The following MFSD8 variants were observed in gnomAD, a reference collection of about 807,000 sequenced individuals.
MFSD8 encodes the protein major facilitator superfamily domain-containing protein 8.
MFSD8 carries 55 observed loss-of-function variants against 66.4 expected under a neutral mutation model. The observed-to-expected ratio is 0.83, with a 90% CI of 0.67 to 1.04. The LOEUF (loss-of-function observed/expected upper bound fraction) is 1.04. Ranked by LOEUF, MFSD8 falls within the 50% of genes least tolerant of loss-of-function variation. MFSD8 has a pLI of 0.00. For missense variants in MFSD8, 550 were observed against 627.6 expected, an observed-to-expected ratio of 0.88 and a Z score of 1.32; for synonymous variants, 202 against 212.8, an observed-to-expected ratio of 0.95 and a Z score of 0.44.
chr4:127,943,956 C>G lies in MFSD8; in HGVS notation c.235G>C (p.Val79Leu), dbSNP rs749244700. The G allele has an allele frequency of 5.0e-6, 8 of 1,614,130 alleles. No individual in the cohort carries two copies. In the Admixed American group the frequency reaches 1.3e-4, roughly 27 times the overall value. Reference sequence around the variant, plus strand: ...TGGCCAAGACTATATGAAGCAATAACCCAGCCCAAAAAACTTGTATCAGCT... The same window carrying G: ...TGGCCAAGACTATATGAAGCAATAAGCCAGCCCAAAAAACTTGTATCAGCT... ...PTADTSFLGWVIASYSLGQMV... is the reference protein window; with the variant it reads ...PTADTSFLGWLIASYSLGQMV... Residue 79 changes from valine (V) to leucine (L), a missense_variant, in exon 4 of 12, where the codon GTT becomes CTT. Transcript: ENST00000641686.
At position 127,918,484 on chromosome 4, in the gene MFSD8, T is replaced by C. The variant is rs750676275; in HGVS notation, c.*2146A>G. On this transcript the variant is annotated 3_prime_UTR_variant, in exon 12 of 12. Transcript: ENST00000641686. ...AACCTTTGAAAGCTGGGAAACTTTT[T>C]TCTGTTATATTCTTGCTGGAAACAG... 2 of 152,220 alleles carry C rather than the reference T, an allele frequency of 1.3e-5. No individual in the cohort carries two copies. The highest frequency in any genetic ancestry group is 2.9e-5 in the Non-Finnish European group (2 of 68,030). The allele number at this position is 152,220 out of a possible 1,614,324, so 9.4% of individuals were successfully genotyped here. A position where few individuals can be genotyped will look rare whatever the true frequency, so the allele number is the denominator to read the frequency against.
rs1578789434 is a variant in MFSD8 at position 127,920,628 on chromosome 4, G to T, written c.*2C>A. ...GTAGTTTCCATCACAGTCTTAGCTAGTTTATTCCTGAATCCTCCCATATCT... is the reference window on the plus strand; with the variant it reads ...GTAGTTTCCATCACAGTCTTAGCTATTTTATTCCTGAATCCTCCCATATCT... On this transcript the variant is annotated 3_prime_UTR_variant, in exon 12 of 12. Transcript: ENST00000641686. The T allele has an allele frequency of 1.9e-6, 3 of 1,613,826 alleles. No individual in the cohort carries two copies. Among genetic ancestry groups the T allele is most frequent in the East Asian group, 2.2e-5 (1 of 44,872 alleles).
rs560216657 is a variant in MFSD8 at position 127,929,566 on chromosome 4, C to T, written c.998+1117G>A. On this transcript the variant is annotated intron_variant, in intron 9 of 11. Coordinates refer to ENST00000641686, the MANE Select transcript of MFSD8 (RefSeq NM_001371596.2). ...TCACTCCACTCCACTCCATTCTGGGCAACAGAGTGAGACGCCATCTTTTAC... is the reference window on the plus strand; with the variant it reads ...TCACTCCACTCCACTCCATTCTGGGTAACAGAGTGAGACGCCATCTTTTAC... Among the ~76,000 whole-genome samples, 76 of 148,322 alleles carry T rather than the reference C, an allele frequency of 5.1e-4. 1 individual carries two copies. In the South Asian group the frequency reaches 0.013, roughly 25 times the overall value.
At chr4:127,931,503 G>A (rs1278920449) in intron 8 of MFSD8, among the ~76,000 whole-genome samples, 1 of 152,012 alleles carries the variant, frequency 6.6e-6, no homozygotes, top group African/African-American at 2.4e-5. Context: ...GACTAAAGGC[G>A]CCTGCCACCA....
chr4:127,949,690 T>A, intron 3 of MFSD8, 114 bp downstream of exon 3: 1 of 881,148 alleles, frequency 1.1e-6, no homozygotes, highest in Non-Finnish European at 1.8e-6. Context: ...TATCTCATTA[T>A]TCTTGTAAAG....
intron 2 of MFSD8, among the ~76,000 whole-genome samples, chr4:127,952,895 A>G (rs1158999038): frequency 6.6e-6 from 1 of 151,816 alleles, no homozygotes; most frequent in Non-Finnish European, 1.5e-5. Flanking sequence ...AAAAAAATCT[A>G]AAGTTAAAAT....
chr4:127,956,818 C>G (rs571917963), intron 2 of MFSD8, among the ~76,000 whole-genome samples: 1 of 58,070 alleles, frequency 1.7e-5, no homozygotes, highest in Non-Finnish European at 4.0e-5. Flanking sequence ...AACTCCGTCT[C>G]AAAAAAAAAA....
intron 1 of MFSD8, among the ~76,000 whole-genome samples, chr4:127,959,709 T>C (rs545824566): frequency 1.3e-5 from 2 of 152,308 alleles, no homozygotes; most frequent in Admixed American, 6.5e-5. Flanking sequence ...TATACAGGTG[T>C]TCGTGATTTT....
At chr4:127,946,272 G>A (rs1260040970) in intron 3 of MFSD8, among the ~76,000 whole-genome samples, 2 of 152,124 alleles carry the variant, frequency 1.3e-5, no homozygotes, top group Non-Finnish European at 2.9e-5. Context: ...CTGGAGAAAA[G>A]AGAGTACTTT....
chr4:127,953,565 T>G (rs2148958384), intron 2 of MFSD8, among the ~76,000 whole-genome samples: 1 of 140,894 alleles, frequency 7.1e-6, no homozygotes, highest in South Asian at 2.4e-4. Flanking sequence ...TTTTTTTTTT[T>G]TTTTTTGAGA....
At chr4:127,940,516 G>GTACA (rs1739985079) in intron 5 of MFSD8, among the ~76,000 whole-genome samples, 1 of 138,216 alleles carries the variant, frequency 7.2e-6, no homozygotes, top group Admixed American at 7.4e-5. Context: ...TCTGTATATG[G>GTACA]TATATATATA....
intron 2 of MFSD8, among the ~76,000 whole-genome samples, chr4:127,954,004 GA>G (rs1051023562): frequency 8.3e-4 from 126 of 152,236 alleles, no homozygotes; most frequent in African/African-American, 3.0e-3. Context: ...CCTCTCAGGG[GA>G]AAGAGACCAC....
intron 7 of MFSD8, among the ~76,000 whole-genome samples, chr4:127,938,287 G>A (rs934897872): frequency 5.9e-5 from 9 of 152,024 alleles, no homozygotes; most frequent in Non-Finnish European, 1.0e-4. Context: ...TAACCAATAT[G>A]GGTATGCCTC....
chr4:127,965,092 T>A lies in MFSD8; in HGVS notation c.42A>T (p.Leu14Phe). 1 of 1,613,974 alleles carries A rather than the reference T, an allele frequency of 6.2e-7. No homozygotes were observed. Among genetic ancestry groups the A allele is most frequent in the Non-Finnish European group, 8.5e-7 (1 of 1,180,010 alleles). ...CTCACCTGCTTCCAGGTGTGTCGCC[T>A]AAGAGCGGCTCCTGTTCACTTTCGT... is the stretch of plus-strand genomic sequence containing the variant. ...LRNESEQEPL[L>F]GDTPGSREWD... Residue 14 changes from leucine (L) to phenylalanine (F), a missense_variant, in exon 1 of 12, where the codon TTA becomes TTT. Physicochemically the swap from Leu to Phe is conservative, Grantham distance 22. Transcript: ENST00000641686.
At chr4:127,936,666 T>C (rs1018303372) in intron 7 of MFSD8, among the ~76,000 whole-genome samples, 4 of 151,878 alleles carry the variant, frequency 2.6e-5, no homozygotes, top group African/African-American at 9.7e-5. Context: ...TTGGGCATTC[T>C]GTGTTTTATT....
intron 7 of MFSD8, among the ~76,000 whole-genome samples, chr4:127,936,863 C>T (rs556283741): frequency 6.6e-6 from 1 of 152,204 alleles, no homozygotes; most frequent in East Asian, 1.9e-4. Flanking sequence ...TGATGTATAT[C>T]ATTATCCCCT....
At chr4:127,946,113 C>T (rs1335183472) in intron 3 of MFSD8, among the ~76,000 whole-genome samples, 1 of 151,752 alleles carries the variant, frequency 6.6e-6, no homozygotes, top group Admixed American at 6.6e-5. Context: ...TTTGTAGAGA[C>T]GAGGTCTTAT....
chr4:127,954,529 T>G (rs1742538100), intron 2 of MFSD8, among the ~76,000 whole-genome samples: 1 of 152,150 alleles, frequency 6.6e-6, no homozygotes, highest in Non-Finnish European at 1.5e-5. Context: ...GGCACAAGCA[T>G]AGCTTGAACC....
At chr4:127,944,852 G>A (rs1167176664) in intron 3 of MFSD8, among the ~76,000 whole-genome samples, 1 of 152,074 alleles carries the variant, frequency 6.6e-6, no homozygotes, top group Non-Finnish European at 1.5e-5. Context: ...TAGAGACAGG[G>A]TCTCCCTATG....
Sources: gnomAD v4.1 joint callset for allele counts (sites outside exome capture counted in the v4.1 genomes callset) on GRCh38, gnomAD v4.1.1 for gene constraint, MANE v1.5 for transcripts, NCBI Gene and HGNC (gene_info 2026-07-23, HGNC 2026-07-21) for gene names.